CNTNAP5: variants seen among roughly 807,000 people sequenced by gnomAD.
The protein encoded by CNTNAP5 is contactin-associated protein-like 5.
Under a neutral mutation model 150.2 loss-of-function variants are expected in CNTNAP5, and 72 were observed. That is an observed-to-expected ratio of 0.48 (90% CI 0.40 to 0.58). The LOEUF is 0.58. CNTNAP5 is among the 20% of genes least tolerant of loss of function. CNTNAP5 has a pLI of 0.00. For missense variants in CNTNAP5, 1,636 were observed against 1,626.2 expected (o/e 1.01, Z -0.10); for synonymous variants, 672 against 619.8 (o/e 1.08, Z -1.25).
At chr2:124,372,010 A>G (rs767272293) in intron 3 of CNTNAP5, among the ~76,000 whole-genome samples, 1 of 152,046 alleles carries the variant, frequency 6.6e-6, no homozygotes, top group Non-Finnish European at 1.5e-5. Context: ...GACATGTGTG[A>G]GTCAGTAGAC....
At chr2:124,362,008 G>A (rs1400041914) in intron 3 of CNTNAP5, among the ~76,000 whole-genome samples, 1 of 152,216 alleles carries the variant, frequency 6.6e-6, no homozygotes, top group African/African-American at 2.4e-5. Context: ...ATATAATCTT[G>A]TGGTGCGCCG....
intron 1 of CNTNAP5, among the ~76,000 whole-genome samples, chr2:124,147,858 G>A (rs1240898692): frequency 2.0e-5 from 3 of 152,238 alleles, no homozygotes; most frequent in African/African-American, 7.2e-5. Context: ...ATGCATCTAG[G>A]TGGATATCTT....
At chr2:124,107,982 T>C (rs550421686) in intron 1 of CNTNAP5, among the ~76,000 whole-genome samples, 1 of 152,362 alleles carries the variant, frequency 6.6e-6, no homozygotes, top group East Asian at 1.9e-4. Context: ...TTTTGAGTCC[T>C]TGATCTACCT....
At chr2:124,564,575 C>T (rs1052090835) in intron 11 of CNTNAP5, among the ~76,000 whole-genome samples, 2 of 152,018 alleles carry the variant, frequency 1.3e-5, no homozygotes, top group African/African-American at 2.4e-5. Flanking sequence ...AGGCTGGCCT[C>T]GAACTCCTGA....
chr2:124,768,263 CTGTA>C (rs1356524614), intron 16 of CNTNAP5, among the ~76,000 whole-genome samples: 1 of 108,502 alleles, frequency 9.2e-6, no homozygotes, highest in Non-Finnish European at 2.0e-5. Flanking sequence ...CATATATATA[CTGTA>C]TGTATGTGTG....
At chr2:124,491,340 T>C (rs1694020122) in intron 7 of CNTNAP5, among the ~76,000 whole-genome samples, 1 of 152,164 alleles carries the variant, frequency 6.6e-6, no homozygotes, top group Non-Finnish European at 1.5e-5. Flanking sequence ...AATGACCTCC[T>C]GATTTATTCA....
intron 3 of CNTNAP5, among the ~76,000 whole-genome samples, chr2:124,415,598 A>G (rs1263906094): frequency 6.6e-6 from 1 of 152,202 alleles, no homozygotes; most frequent in Non-Finnish European, 1.5e-5. Context: ...ATTGGTTGAC[A>G]TTGATTGCAC....
At chr2:124,205,349 A>G (rs1399797272) in intron 1 of CNTNAP5, among the ~76,000 whole-genome samples, 2 of 151,966 alleles carry the variant, frequency 1.3e-5, no homozygotes, top group East Asian at 1.9e-4. Context: ...CTCTTCTATC[A>G]TAATTGTCAG....
intron 6 of CNTNAP5, among the ~76,000 whole-genome samples, chr2:124,458,623 C>A (rs917726375): frequency 6.6e-6 from 1 of 151,896 alleles, no homozygotes; most frequent in Non-Finnish European, 1.5e-5. Flanking sequence ...CACCAAAGAA[C>A]TTTCTCATGT....
chr2:124,865,034 A>G (rs1327195430), intron 19 of CNTNAP5, among the ~76,000 whole-genome samples: 1 of 151,740 alleles, frequency 6.6e-6, no homozygotes, highest in East Asian at 2.0e-4. Flanking sequence ...TACAAAATAG[A>G]TGTTTTATTT....
At chr2:124,706,782 G>GAAGAAGAAGAAGAAT (rs1679652872) in intron 13 of CNTNAP5, among the ~76,000 whole-genome samples, 1 of 35,714 alleles carries the variant, frequency 2.8e-5, no homozygotes, top group Non-Finnish European at 5.4e-5. Flanking sequence ...AGAAGAAGAA[G>GAAGAAGAAGAAGAAT]AAGAAGAAGA....
At chr2:124,839,148 G>A (rs1558795754) in intron 19 of CNTNAP5, among the ~76,000 whole-genome samples, 1 of 152,096 alleles carries the variant, frequency 6.6e-6, no homozygotes, top group Non-Finnish European at 1.5e-5. Context: ...GATGGGTGGT[G>A]CTCCTTCCAG....
At chr2:124,125,663 G>A (rs1683675208) in intron 1 of CNTNAP5, among the ~76,000 whole-genome samples, 1 of 152,172 alleles carries the variant, frequency 6.6e-6, no homozygotes, top group African/African-American at 2.4e-5. Flanking sequence ...ATAGTTGGAA[G>A]TAAAGCACTC....
intron 1 of CNTNAP5, among the ~76,000 whole-genome samples, chr2:124,127,165 G>A (rs565362613): frequency 1.1e-4 from 16 of 152,174 alleles, no homozygotes; most frequent in East Asian, 3.9e-4. Flanking sequence ...AATCCCTATC[G>A]TCTCAGCCCA....
At chr2:124,140,316 A>T (rs1684087813) in intron 1 of CNTNAP5, among the ~76,000 whole-genome samples, 1 of 151,858 alleles carries the variant, frequency 6.6e-6, no homozygotes, top group Non-Finnish European at 1.5e-5. Flanking sequence ...CTGCCTCTGT[A>T]GGCTCCACCT....
intron 3 of CNTNAP5, among the ~76,000 whole-genome samples, chr2:124,357,589 T>C (rs954358373): frequency 4.0e-5 from 6 of 149,994 alleles, no homozygotes; most frequent in African/African-American, 1.5e-4. Flanking sequence ...CTTGTTTTTC[T>C]CAGGTTTGTC....
chr2:124,325,927 A>G lies in CNTNAP5; in HGVS notation c.381+83534A>G, dbSNP rs191179840. Among the ~76,000 whole-genome samples, 463 of 152,328 alleles carry G rather than the reference A, an allele frequency of 3.0e-3. 3 individuals carry two copies. Among genetic ancestry groups the G allele is most frequent in the African/African-American group, 0.011 (441 of 41,582 alleles). ...CCCTCTAAAATGAGTGAGATGGCTC[A>G]GGGCTTTGTACAGGGAGTATGAGCA... On this transcript the variant is annotated intron_variant, in intron 3 of 23. Coordinates refer to ENST00000682447, the MANE Select transcript of CNTNAP5 (RefSeq NM_001367498.1).
At chr2:124,053,543 A>G (rs1681764739) in intron 1 of CNTNAP5, among the ~76,000 whole-genome samples, 1 of 152,224 alleles carries the variant, frequency 6.6e-6, no homozygotes, top group African/African-American at 2.4e-5. Flanking sequence ...GATAAACTCA[A>G]TGAACATTTG....
At chr2:124,348,526 C>A (rs1689795613) in intron 3 of CNTNAP5, among the ~76,000 whole-genome samples, 1 of 152,006 alleles carries the variant, frequency 6.6e-6, no homozygotes, top group Non-Finnish European at 1.5e-5. Context: ...TAATAATAAA[C>A]CTTAGTTTGC....
Sources: gnomAD v4.1 joint callset for allele counts (sites outside exome capture counted in the v4.1 genomes callset) on GRCh38, gnomAD v4.1.1 for gene constraint, MANE v1.5 for transcripts, NCBI Gene and HGNC (gene_info 2026-07-23, HGNC 2026-07-21) for gene names.